Variants in PPARGC1A observed in about 807,000 individuals in gnomAD.
PPARGC1A encodes PPARG coactivator 1 alpha, also known as peroxisome proliferator-activated receptor gamma coactivator 1-alpha.
Under a neutral mutation model 88.7 loss-of-function variants are expected in PPARGC1A, and 25 were observed. The ratio of observed to expected loss-of-function variants is 0.28; its 90% CI spans 0.21 to 0.39. The LOEUF (loss-of-function observed/expected upper bound fraction) is 0.39, where lower values mean the gene tolerates loss of function less well. Among genes scored for constraint, PPARGC1A ranks in the 10% least tolerant of loss-of-function variants. The probability of loss-of-function intolerance (pLI) is 1.00; values close to 1 mark genes in which losing one functional copy is unlikely to be tolerated. For missense variants in PPARGC1A, 880 were observed against 968.7 expected (o/e 0.91, Z 1.22); for synonymous variants, 363 against 355.6 (o/e 1.02, Z -0.24).
the PPARGC1A span, among the ~76,000 whole-genome samples, chr4:24,173,338 CAA>C: frequency 0.76 from 89,092 of 117,932 alleles, 34,626 homozygotes; most frequent in South Asian, 0.87. Context: ...CTTTCCCCAC[CAA>C]AAAAAAAAAA....
At chr4:24,049,489 C>A in the PPARGC1A span, among the ~76,000 whole-genome samples, 1 of 151,122 alleles carries the variant, frequency 6.6e-6, no homozygotes, top group African/African-American at 2.4e-5. Context: ...TGAAATTTGT[C>A]GGGGAAAACG....
At chr4:24,027,481 G>A in the PPARGC1A span, among the ~76,000 whole-genome samples, 452 of 152,192 alleles carry the variant, frequency 3.0e-3, 1 homozygote, top group Admixed American at 6.0e-3. Context: ...AAGGCCCAAC[G>A]CATAGTAAAA....
At chr4:24,153,089 T>C in the PPARGC1A span, among the ~76,000 whole-genome samples, 1 of 152,192 alleles carries the variant, frequency 6.6e-6, no homozygotes, top group Non-Finnish European at 1.5e-5. Flanking sequence ...ACAGGCACTT[T>C]GAATACAGGA....
At chr4:24,429,202 A>C in the PPARGC1A span, among the ~76,000 whole-genome samples, 1 of 152,064 alleles carries the variant, frequency 6.6e-6, no homozygotes, top group Admixed American at 6.5e-5. Flanking sequence ...ACGTCCAAAG[A>C]ACTCGTGTCT....
chr4:23,814,932 A>G (rs1335548890), intron 7 of PPARGC1A, among the ~76,000 whole-genome samples: 2 of 152,104 alleles, frequency 1.3e-5, no homozygotes, highest in Non-Finnish European at 2.9e-5. Flanking sequence ...AGGCATTATT[A>G]CCAAAGCTTG....
At chr4:23,849,552 G>C (rs1728910297) in intron 2 of PPARGC1A, among the ~76,000 whole-genome samples, 1 of 151,934 alleles carries the variant, frequency 6.6e-6, no homozygotes, top group Admixed American at 6.6e-5. Context: ...TATAAACAGG[G>C]GATACAGATG....
the PPARGC1A span, among the ~76,000 whole-genome samples, chr4:24,319,196 A>G: frequency 6.6e-6 from 1 of 152,274 alleles, no homozygotes; most frequent in African/African-American, 2.4e-5. Flanking sequence ...CAGTTAAAAA[A>G]TTAGCTGTGT....
chr4:24,143,424 A>G, the PPARGC1A span, among the ~76,000 whole-genome samples: 1 of 152,306 alleles, frequency 6.6e-6, no homozygotes, highest in South Asian at 2.1e-4. Flanking sequence ...TTAGGAGACA[A>G]TGGTAAGGGA....
the PPARGC1A span, among the ~76,000 whole-genome samples, chr4:24,348,362 C>T: frequency 6.6e-6 from 1 of 152,182 alleles, no homozygotes; most frequent in South Asian, 2.1e-4. Flanking sequence ...CTCTCACAAC[C>T]CAGGGAAGTT....
At chr4:23,986,492 G>A in the PPARGC1A span, among the ~76,000 whole-genome samples, 1 of 152,088 alleles carries the variant, frequency 6.6e-6, no homozygotes, top group Non-Finnish European at 1.5e-5. Flanking sequence ...TCAGCACTCT[G>A]AGACTTCTCA....
At chr4:24,004,421 T>G in the PPARGC1A span, among the ~76,000 whole-genome samples, 5 of 152,242 alleles carry the variant, frequency 3.3e-5, no homozygotes, top group Non-Finnish European at 7.3e-5. Flanking sequence ...GTTGGGATGA[T>G]TAAAACCCAA....
the PPARGC1A span, among the ~76,000 whole-genome samples, chr4:24,468,032 G>A: frequency 1.3e-5 from 2 of 152,142 alleles, no homozygotes; most frequent in Non-Finnish European, 2.9e-5. Context: ...ATGGACACTC[G>A]AGCAGTCAGC....
chr4:23,809,024 C>T (rs3774921), intron 10 of PPARGC1A, among the ~76,000 whole-genome samples: 83,221 of 151,572 alleles, frequency 0.55, 23,232 homozygotes, highest in East Asian at 0.69. Flanking sequence ...GATTAATGAA[C>T]AACCCAACAC....
chr4:23,971,949 T>C, the PPARGC1A span, among the ~76,000 whole-genome samples: 46 of 152,242 alleles, frequency 3.0e-4, no homozygotes, highest in African/African-American at 9.6e-4. Flanking sequence ...TATTTTTTTT[T>C]CCAGCAAACA....
chr4:24,435,376 C>A, the PPARGC1A span, among the ~76,000 whole-genome samples: 1 of 152,180 alleles, frequency 6.6e-6, no homozygotes, highest in Non-Finnish European at 1.5e-5. Flanking sequence ...ACAGGCCATG[C>A]CTTTGCCCAC....
At chr4:24,387,941 AAAGAAAGAAAGAAAG>A in the PPARGC1A span, among the ~76,000 whole-genome samples, 11 of 138,346 alleles carry the variant, frequency 8.0e-5, no homozygotes, top group African/African-American at 3.5e-4. Flanking sequence ...AAAGAGAAAG[AAAGAAAGAAAGAAAG>A]AAAGGGAGAG....
the PPARGC1A span, among the ~76,000 whole-genome samples, chr4:24,057,456 TA>T: frequency 0.28 from 38,744 of 139,092 alleles, 5,438 homozygotes; most frequent in Non-Finnish European, 0.33. Context: ...TAAGATGGTT[TA>T]AAAAAAAAAA....
At chr4:24,145,849 G>A in the PPARGC1A span, among the ~76,000 whole-genome samples, 19 of 151,886 alleles carry the variant, frequency 1.3e-4, no homozygotes, top group African/African-American at 2.7e-4. Context: ...CTATATTATC[G>A]AAGTCATTAG....
chr4:23,841,475 A>G (rs2148608911), intron 2 of PPARGC1A, among the ~76,000 whole-genome samples: 1 of 152,210 alleles, frequency 6.6e-6, no homozygotes, highest in South Asian at 2.1e-4. Context: ...CATAGCCAAA[A>G]GAAGTCATTT....
Sources: gnomAD v4.1 joint callset for allele counts (sites outside exome capture counted in the v4.1 genomes callset) on GRCh38, gnomAD v4.1.1 for gene constraint, MANE v1.5 for transcripts, NCBI Gene and HGNC (gene_info 2026-07-23, HGNC 2026-07-21) for gene names.